The following TTC17 variants were observed in gnomAD, a reference collection of about 807,000 sequenced individuals.
The protein encoded by TTC17 is tetratricopeptide repeat protein 17.
TTC17 carries 58 observed loss-of-function variants against 143.8 expected under a neutral mutation model. The observed-to-expected ratio is 0.40, with a 90% CI of 0.33 to 0.50. The LOEUF (loss-of-function observed/expected upper bound fraction) is 0.50. TTC17 is among the 20% of genes least tolerant of loss of function. TTC17 has a pLI of 0.49. For synonymous variants in TTC17, 501 were observed against 497.8 expected (o/e 1.01, Z -0.09); for missense variants, 1,273 against 1,392.5 (o/e 0.91, Z 1.37).
At chr11:43,436,164 G>T (rs1270954586) in intron 16 of TTC17, 4 of 1,389,230 alleles carry the variant, frequency 2.9e-6, no homozygotes, top group South Asian at 1.9e-5. Context: ...TGTCATTGAG[G>T]TAATTGTCAT....
chr11:43,484,343 T>A (rs760472392), intron 21 of TTC17, among the ~76,000 whole-genome samples: 1 of 152,190 alleles, frequency 6.6e-6, no homozygotes, highest in Non-Finnish European at 1.5e-5. Context: ...TTTAAAAGTG[T>A]AATTTTTAAA....
At chr11:43,369,209 T>G (rs1856467941) in intron 1 of TTC17, among the ~76,000 whole-genome samples, 2 of 152,224 alleles carry the variant, frequency 1.3e-5, no homozygotes, top group South Asian at 4.1e-4. Context: ...GGTAGCACTA[T>G]TATAGGAAGT....
chr11:43,466,882 G>T lies in TTC17; in HGVS notation c.3030+15617G>T. 3 of 234,924 alleles carry T rather than the reference G, an allele frequency of 1.3e-5. No individual in the cohort carries two copies. The South Asian group carries it at 1.7e-4, about 13-fold the overall frequency. The allele number at this position is 234,924 out of a possible 1,614,324, so 14.6% of individuals were successfully genotyped here. Reference sequence around the variant, plus strand: ...AACTGCAGACAACTCTGATAAATTTGACTTGTGTTTTATCTTAACCACCAG... The same window carrying T: ...AACTGCAGACAACTCTGATAAATTTTACTTGTGTTTTATCTTAACCACCAG... On this transcript the variant is annotated intron_variant, in intron 21 of 23. Coordinates refer to ENST00000039989, the MANE Select transcript of TTC17 (RefSeq NM_018259.6).
intron 10 of TTC17, among the ~76,000 whole-genome samples, chr11:43,402,000 TAAATAAA>T (rs1857880984): frequency 6.9e-6 from 1 of 145,670 alleles, no homozygotes; most frequent in African/African-American, 2.7e-5. Flanking sequence ...AATAAATAAA[TAAATAAA>T]TAAATAAATA....
intron 1 of TTC17, among the ~76,000 whole-genome samples, chr11:43,372,756 G>T (rs1856619060): frequency 6.6e-6 from 1 of 152,088 alleles, no homozygotes; most frequent in African/African-American, 2.4e-5. Flanking sequence ...CTGCCAAAGT[G>T]CTGGGATTAC....
intron 21 of TTC17, among the ~76,000 whole-genome samples, chr11:43,476,528 G>A (rs998119304): frequency 2.0e-5 from 3 of 152,208 alleles, no homozygotes; most frequent in South Asian, 4.1e-4. Flanking sequence ...AATCTAGGTG[G>A]AGGTTCCCAA....
intron 1 of TTC17, among the ~76,000 whole-genome samples, chr11:43,374,739 T>C (rs1325013800): frequency 7.0e-6 from 1 of 143,838 alleles, no homozygotes; most frequent in African/African-American, 2.5e-5. Flanking sequence ...ATGACTATTA[T>C]TAAAAAGACC....
At chr11:43,427,941 G>A (rs531477963) in intron 16 of TTC17, among the ~76,000 whole-genome samples, 1 of 152,222 alleles carries the variant, frequency 6.6e-6, no homozygotes, top group African/African-American at 2.4e-5. Context: ...ATGTAATAAT[G>A]AGTAATTAAC....
In TTC17 at chr11:43,450,253, G is replaced by A; in HGVS notation, c.2946+12G>A. ...GTCAGTTAACAGAGGTGAGTGCTCG[G>A]CTTTGTTCAGGCTGTTTTTTAGCCT... On this transcript the variant is annotated intron_variant, in intron 20 of 23. Transcript: ENST00000039989. 1.2e-6 allele frequency: 2 copies of A among 1,607,268 alleles called. No homozygotes were observed. Among genetic ancestry groups the A allele is most frequent in the South Asian group, 1.1e-5 (1 of 90,258 alleles).
rs541517823 is a variant in TTC17 at position 43,367,927 on chromosome 11, T to C, written c.159+8814T>C. On this transcript the variant is annotated intron_variant, in intron 1 of 23. Transcript: ENST00000039989. The stretch of plus-strand genomic sequence containing the variant: ...TAGCAGCCCAGCATTTGTCTTCATA[T>C]CTTACTCAGCTATTTTCTTACATGC... Among the ~76,000 whole-genome samples, 4 of 152,330 alleles carry C rather than the reference T, an allele frequency of 2.6e-5. No homozygotes were observed. The East Asian group carries it at 7.7e-4, about 29-fold the overall frequency.
At chr11:43,360,562 AC>A (rs2134420167) in intron 1 of TTC17, among the ~76,000 whole-genome samples, 1 of 152,266 alleles carries the variant, frequency 6.6e-6, no homozygotes, top group African/African-American at 2.4e-5. Context: ...GTTTTTGGCC[AC>A]AGCTATTTAT....
chr11:43,467,721 A>G (rs1036415697), intron 21 of TTC17, among the ~76,000 whole-genome samples: 2 of 152,228 alleles, frequency 1.3e-5, no homozygotes, highest in Non-Finnish European at 2.9e-5. Flanking sequence ...AAGATGAAAG[A>G]TAGGTCAAAA....
At chr11:43,404,836 T>C (rs923672407) in intron 11 of TTC17, among the ~76,000 whole-genome samples, 2 of 152,140 alleles carry the variant, frequency 1.3e-5, no homozygotes, top group Non-Finnish European at 2.9e-5. Flanking sequence ...TTAGAGAAAA[T>C]TAACATTTTA....
At position 43,451,231 on chromosome 11, in the gene TTC17, A is replaced by C; in HGVS notation, c.2996A>C (p.Gln999Pro). Residue 999 changes from glutamine to proline, a missense_variant, in exon 21 of 24, where the codon CAG (glutamine) becomes CCG (proline). Coordinates refer to ENST00000039989, the MANE Select transcript of TTC17 (RefSeq NM_018259.6). ...CAATATCCACAACAGTCGCTTGAAC[A>C]GATTGGCACCCGAATTGCCAAAGTT... ...KDQYPQQSLEQIGTRIAKVLE... is the reference protein window; with the variant it reads ...KDQYPQQSLEPIGTRIAKVLE... 6.2e-7 allele frequency: 1 copy of C among 1,613,732 alleles called. No homozygotes were observed. The highest frequency in any genetic ancestry group is 8.5e-7 in the Non-Finnish European group (1 of 1,179,604).
intron 21 of TTC17, among the ~76,000 whole-genome samples, chr11:43,483,611 A>G (rs1948327165): frequency 6.6e-6 from 1 of 152,216 alleles, no homozygotes; most frequent in Non-Finnish European, 1.5e-5. Context: ...ATTAAAGGAA[A>G]AAAACTATGA....
intron 3 of TTC17, among the ~76,000 whole-genome samples, chr11:43,391,019 G>A (rs904703603): frequency 1.3e-5 from 2 of 152,124 alleles, no homozygotes; most frequent in Non-Finnish European, 2.9e-5. Context: ...ACTCTTCATG[G>A]CAGCTATGTG....
chr11:43,379,162 A>G lies in TTC17; in HGVS notation c.160-71A>G, dbSNP rs1048854752. 1.5e-5 allele frequency: 20 copies of G among 1,354,634 alleles called. 1 individual carries two copies. In the South Asian group the frequency reaches 2.1e-4, roughly 15 times the overall value. 83.9% of individuals were successfully genotyped at this position (1,354,634 alleles called of 1,614,324 possible). On this transcript the variant is annotated intron_variant, in intron 1 of 23. Transcript: ENST00000039989. The stretch of plus-strand genomic sequence containing the variant: ...GCGAATGAACAATAATTTAAAGCAT[A>G]TTAATGACTTTGTTAATCCAAACCA...
rs1948484976 is a variant in TTC17 at position 43,492,134 on chromosome 11, T to C, written c.3265T>C (p.Phe1089Leu). The C allele has an allele frequency of 1.2e-6, 2 of 1,613,970 alleles. No individual in the cohort carries two copies. The highest frequency in any genetic ancestry group is 1.7e-6 in the Non-Finnish European group (2 of 1,179,982). The change falls in exon 23 of 24, where the codon TTC becomes CTC. Residue 1089 changes from phenylalanine to leucine, a missense_variant. Transcript: ENST00000039989. Reference sequence around the variant, plus strand: ...CGCACCACACTTTGCTGTGAACCACTTCACTCTGGGCAATGTCTACGTGGC... The same window carrying C: ...CGCACCACACTTTGCTGTGAACCACCTCACTCTGGGCAATGTCTACGTGGC... ...EIAPHFAVNHFTLGNVYVAME... is the reference protein window; with the variant it reads ...EIAPHFAVNHLTLGNVYVAME...
chr11:43,397,906 G>A (rs1857674542), intron 7 of TTC17, 68 bp from the exon 8 acceptor site: 18 of 300,196 alleles, frequency 6.0e-5, no homozygotes, highest in Middle Eastern at 2.9e-3. Context: ...TTTTCCGTGT[G>A]TGTGTGTGTG....
Sources: gnomAD v4.1 joint callset for allele counts (sites outside exome capture counted in the v4.1 genomes callset) on GRCh38, gnomAD v4.1.1 for gene constraint, MANE v1.5 for transcripts, NCBI Gene and HGNC (gene_info 2026-07-23, HGNC 2026-07-21) for gene names.